CNTN4: variants seen among roughly 807,000 people sequenced by gnomAD.
CNTN4 encodes contactin 4, also known as contactin-4.
CNTN4 carries 77 observed loss-of-function variants against 122.5 expected under a neutral mutation model. The ratio of observed to expected loss-of-function variants is 0.63; its 90% confidence interval spans 0.52 to 0.76. The LOEUF (loss-of-function observed/expected upper bound fraction) is 0.76. Among genes scored for constraint, CNTN4 ranks in the 30% least tolerant of loss-of-function variants. The pLI, the probability that CNTN4 is intolerant of heterozygous loss-of-function variation, is 0.00. For missense variants in CNTN4, 1,256 were observed against 1,259.1 expected, an observed-to-expected ratio of 1.00 and a Z score of 0.04; for synonymous variants, 512 against 447.0, an observed-to-expected ratio of 1.15 and a Z score of -1.83.
rs188878433 is a variant in CNTN4 at position 2,616,995 on chromosome 3, C to T, written c.55+45437C>T. Among the ~76,000 whole-genome samples, 254 of 152,098 alleles carry T rather than the reference C, an allele frequency of 1.7e-3. 10 individuals are homozygous for T. In the South Asian group the frequency reaches 0.046, roughly 28 times the overall value. On this transcript the variant is annotated intron_variant, in intron 4 of 24. Coordinates refer to ENST00000418658, the MANE Select transcript of CNTN4 (RefSeq NM_175607.3). ...CACCTTATACGAAAATTAACTCAAGCGGGATTAAAGGCTTAAGTGTAAAAA... is the reference window on the plus strand; with the variant it reads ...CACCTTATACGAAAATTAACTCAAGTGGGATTAAAGGCTTAAGTGTAAAAA...
At position 3,037,240 on chromosome 3, in the gene CNTN4, T is replaced by G. The variant is rs781248942; in HGVS notation, c.2004T>G (p.Val668=). The G allele has an allele frequency of 1.2e-6, 2 of 1,614,224 alleles. No homozygotes were observed. Among genetic ancestry groups the G allele is most frequent in the Non-Finnish European group, 1.7e-6 (2 of 1,180,036 alleles). ...TATVVGLNPW[V]EYEFRTVAAN... Reference sequence around the variant, plus strand: ...CCGTGGTGGGTTTGAACCCTTGGGTTGAATATGAATTCCGCACAGTTGCAG... The same window carrying G: ...CCGTGGTGGGTTTGAACCCTTGGGTGGAATATGAATTCCGCACAGTTGCAG... Residue 668 remains valine, a synonymous_variant, in exon 18 of 25, where the codon GTT becomes GTG. Transcript: ENST00000418658.
chr3:2,169,005 C>G lies in CNTN4; in HGVS notation c.-145+68366C>G, dbSNP rs114001040. Among the ~76,000 whole-genome samples the G allele has an allele frequency of 5.6e-3, 858 of 152,194 alleles. 4 individuals are homozygous for G. Among genetic ancestry groups the G allele is most frequent in the African/African-American group, 0.02 (836 of 41,520 alleles). On this transcript the variant is annotated intron_variant, in intron 2 of 24. Coordinates refer to ENST00000418658, the MANE Select transcript of CNTN4 (RefSeq NM_175607.3). ...TGAAGCTCAAGAGACAAATCATTAC[C>G]AAGTGATTTAAAATGTTTCAGAATT... is the stretch of plus-strand genomic sequence containing the variant.
At chr3:2,291,888 C>T (rs1440307417) in intron 2 of CNTN4, among the ~76,000 whole-genome samples, 6 of 152,012 alleles carry the variant, frequency 3.9e-5, no homozygotes, top group African/African-American at 9.7e-5. Context: ...CATTCGCTAC[C>T]ATGCATGACT....
At chr3:2,992,932 C>T (rs1437440129) in intron 14 of CNTN4, among the ~76,000 whole-genome samples, 1 of 151,766 alleles carries the variant, frequency 6.6e-6, no homozygotes, top group Non-Finnish European at 1.5e-5. Context: ...CCTACCCTAA[C>T]AAATCTAACT....
chr3:2,383,476 T>C (rs2046108537), intron 3 of CNTN4, among the ~76,000 whole-genome samples: 1 of 152,144 alleles, frequency 6.6e-6, no homozygotes, highest in Non-Finnish European at 1.5e-5. Flanking sequence ...CATTTCACGG[T>C]TGAGAAAATT....
chr3:2,494,135 T>A (rs1357406082), intron 3 of CNTN4, among the ~76,000 whole-genome samples: 1 of 152,172 alleles, frequency 6.6e-6, no homozygotes, highest in East Asian at 1.9e-4. Flanking sequence ...AGAGTCAAAC[T>A]CTGTAAAATA....
Position 3,043,288 on chromosome 3 carries a change from T to C in CNTN4, c.2698+125T>C, listed in dbSNP as rs530949193. 169 of 987,542 alleles carry C rather than the reference T, an allele frequency of 1.7e-4. 1 individual carries two copies. Among genetic ancestry groups the C allele is most frequent in the Non-Finnish European group, 2.3e-4 (148 of 630,682 alleles). The allele number at this position is 987,542 out of a possible 1,614,324, so 61.2% of individuals were successfully genotyped here. On this transcript the variant is annotated intron_variant, in intron 22 of 24. Coordinates refer to ENST00000418658, the MANE Select transcript of CNTN4 (RefSeq NM_175607.3). ...AGTAGCATGTGGATTCAAATTTCCC[T>C]CAGCATTTTAACTGAACCTTTCCGT... is the stretch of plus-strand genomic sequence containing the variant.
chr3:2,816,805 G>C (rs1403710288), intron 6 of CNTN4, among the ~76,000 whole-genome samples: 1 of 112,080 alleles, frequency 8.9e-6, no homozygotes, highest in African/African-American at 3.5e-5. Context: ...TGGCAACAGA[G>C]TGAGACTCTG....
intron 14 of CNTN4, among the ~76,000 whole-genome samples, chr3:3,005,887 A>ATTTTTTTTTTTTTT (rs10630939): frequency 6.9e-6 from 1 of 145,334 alleles, no homozygotes; most frequent in Non-Finnish European, 1.5e-5. Context: ...ACTGTGTAGA[A>ATTTTTTTTTTTTTT]TTTTTTTTTT....
chr3:2,353,359 A>G (rs1332595583), intron 3 of CNTN4, among the ~76,000 whole-genome samples: 1 of 152,204 alleles, frequency 6.6e-6, no homozygotes, highest in African/African-American at 2.4e-5. Flanking sequence ...GTGGGGTCAG[A>G]TAAGGGAATA....
At chr3:2,872,831 G>A (rs1274362376) in intron 8 of CNTN4, among the ~76,000 whole-genome samples, 1 of 151,954 alleles carries the variant, frequency 6.6e-6, no homozygotes, top group East Asian at 1.9e-4. Flanking sequence ...TTCTCTAAAT[G>A]TTTATTATAC....
intron 2 of CNTN4, among the ~76,000 whole-genome samples, chr3:2,213,170 GT>G (rs1335566638): frequency 6.6e-6 from 1 of 152,284 alleles, no homozygotes; most frequent in South Asian, 2.1e-4. Context: ...GGAGTTGAGA[GT>G]TTTAGTCAAG....
chr3:2,754,751 A>G (rs1442913070), intron 6 of CNTN4, among the ~76,000 whole-genome samples: 1 of 151,998 alleles, frequency 6.6e-6, no homozygotes, highest in Non-Finnish European at 1.5e-5. Context: ...AAGTGAAAAA[A>G]AAAAAAAGAA....
At chr3:2,581,231 A>G (rs958910806) in intron 4 of CNTN4, among the ~76,000 whole-genome samples, 4 of 152,116 alleles carry the variant, frequency 2.6e-5, no homozygotes, top group African/African-American at 4.8e-5. Context: ...CTCCAAGAAG[A>G]CAAGGAGAGA....
intron 3 of CNTN4, among the ~76,000 whole-genome samples, chr3:2,481,388 G>A (rs1043679613): frequency 3.3e-5 from 5 of 151,786 alleles, no homozygotes; most frequent in East Asian, 1.9e-4. Context: ...TGATCCACCC[G>A]CCTCGACCTC....
chr3:2,181,901 A>G (rs141460449), intron 2 of CNTN4, among the ~76,000 whole-genome samples: 88 of 152,230 alleles, frequency 5.8e-4, no homozygotes, highest in African/African-American at 2.0e-3. Flanking sequence ...AGCAAATAAT[A>G]TGACCCAATT....
At chr3:2,838,408 C>G (rs978206619) in intron 7 of CNTN4, among the ~76,000 whole-genome samples, 2 of 152,042 alleles carry the variant, frequency 1.3e-5, no homozygotes, top group African/African-American at 4.8e-5. Context: ...TACCACATTC[C>G]TATTCCAATA....
chr3:2,407,296 T>A (rs565957376), intron 3 of CNTN4, among the ~76,000 whole-genome samples: 24 of 152,190 alleles, frequency 1.6e-4, no homozygotes, highest in Non-Finnish European at 3.5e-4. Flanking sequence ...GATTAATCAG[T>A]TGTCAAATAC....
At chr3:2,486,708 T>C (rs897947490) in intron 3 of CNTN4, among the ~76,000 whole-genome samples, 5 of 152,164 alleles carry the variant, frequency 3.3e-5, no homozygotes, top group Admixed American at 2.0e-4. Flanking sequence ...ACTGTCTCCA[T>C]AAATTTTATA....
Sources: gnomAD v4.1 joint callset for allele counts (sites outside exome capture counted in the v4.1 genomes callset) on GRCh38, gnomAD v4.1.1 for gene constraint, MANE v1.5 for transcripts, NCBI Gene and HGNC (gene_info 2026-07-23, HGNC 2026-07-21) for gene names.